The following HDAC9 variants were observed in gnomAD, a reference collection of about 807,000 sequenced individuals.
HDAC9 encodes the protein MEF-2 interacting transcription repressor (MITR) protein.
In HDAC9, 41 loss-of-function variants were observed where a neutral mutation model predicts 139.4. The observed-to-expected ratio is 0.29, with a 90% CI of 0.23 to 0.38. HDAC9 has a LOEUF of 0.38. HDAC9 is among the 10% of genes least tolerant of loss of function. The probability of loss-of-function intolerance (pLI) is 1.00; values close to 1 mark genes in which losing one functional copy is unlikely to be tolerated. For missense variants in HDAC9, 1,147 were observed against 1,297.0 expected (o/e 0.88, Z 1.78); for synonymous variants, 517 against 476.2 (o/e 1.09, Z -1.12).
intron 2 of HDAC9, among the ~76,000 whole-genome samples, chr7:18,256,151 A>T (rs1045473011): frequency 6.6e-6 from 1 of 152,128 alleles, no homozygotes; most frequent in Non-Finnish European, 1.5e-5. Flanking sequence ...TATGTTGCGT[A>T]TCTGAGATTA....
At chr7:18,343,960 T>G (rs958291625) in intron 1 of HDAC9, among the ~76,000 whole-genome samples, 6 of 151,876 alleles carry the variant, frequency 4.0e-5, no homozygotes, top group African/African-American at 1.4e-4. Flanking sequence ...TAAACCCTTA[T>G]TTTTCCAATA....
intron 7 of HDAC9, among the ~76,000 whole-genome samples, chr7:18,632,616 G>A (rs907752622): frequency 1.3e-5 from 2 of 152,096 alleles, no homozygotes; most frequent in African/African-American, 4.8e-5. Flanking sequence ...TTGACTGAGT[G>A]TAGAGTACAG....
At chr7:18,661,149 G>A (rs1168312837) in intron 11 of HDAC9, among the ~76,000 whole-genome samples, 3 of 151,980 alleles carry the variant, frequency 2.0e-5, no homozygotes, top group Non-Finnish European at 4.4e-5. Flanking sequence ...TTAAGATAAA[G>A]CCTTTATTTT....
intron 12 of HDAC9, 157 bp downstream of exon 12, chr7:18,666,633 A>G: frequency 6.9e-7 from 1 of 1,440,526 alleles, no homozygotes; most frequent in Non-Finnish European, 9.2e-7. Context: ...ATGCAGATAT[A>G]TGTATATATC....
chr7:18,914,787 A>G (rs1228918317), intron 22 of HDAC9, among the ~76,000 whole-genome samples: 2 of 137,582 alleles, frequency 1.5e-5, no homozygotes, highest in African/African-American at 5.1e-5. Flanking sequence ...GGAGAGAAAC[A>G]TATTTTTTGA....
chr7:18,422,201 A>G (rs1207218587), intron 1 of HDAC9, among the ~76,000 whole-genome samples: 2 of 152,180 alleles, frequency 1.3e-5, no homozygotes, highest in Non-Finnish European at 2.9e-5. Flanking sequence ...CTAGTGGCCA[A>G]TAAAATGGCA....
chr7:18,099,561 T>A (rs1214104067), intron 1 of HDAC9, among the ~76,000 whole-genome samples: 1 of 152,164 alleles, frequency 6.6e-6, no homozygotes, highest in Non-Finnish European at 1.5e-5. Context: ...CCTTTTGGAG[T>A]TACTTACTGC....
intron 1 of HDAC9, among the ~76,000 whole-genome samples, chr7:18,332,594 C>T (rs1040521640): frequency 2.0e-5 from 3 of 151,516 alleles, no homozygotes; most frequent in Non-Finnish European, 4.4e-5. Context: ...ATGTTTTGCA[C>T]CTGGCTCCTC....
chr7:18,474,269 T>C (rs1230044173), intron 1 of HDAC9, among the ~76,000 whole-genome samples: 1 of 152,242 alleles, frequency 6.6e-6, no homozygotes, highest in Non-Finnish European at 1.5e-5. Context: ...ACTATTCTTG[T>C]ACCTATACTG....
At chr7:18,365,057 A>C (rs897119911) in intron 1 of HDAC9, among the ~76,000 whole-genome samples, 4 of 152,128 alleles carry the variant, frequency 2.6e-5, no homozygotes, top group African/African-American at 9.7e-5. Flanking sequence ...TTTGAAAAAC[A>C]TTGACAGCTG....
chr7:18,716,716 C>T (rs1271792676), intron 12 of HDAC9, among the ~76,000 whole-genome samples: 1 of 152,154 alleles, frequency 6.6e-6, no homozygotes, highest in Non-Finnish European at 1.5e-5. Flanking sequence ...TGCAGCTTCA[C>T]ATAGGTCAAT....
rs370001979 is a variant in HDAC9, at chr7:18,451,740, A to G, written c.-41-44522A>G. On this transcript the variant is annotated intron_variant, in intron 1 of 3. Coordinates refer to the HDAC9 transcript ENST00000413509. ...GGGGAAACATTTGCTATTCAGCCCT[A>G]TCGGCATATTTGGTGAACTGTGTGA... Among the ~76,000 whole-genome samples the G allele has an allele frequency of 7.9e-5, 12 of 152,056 alleles. 1 individual carries two copies. The East Asian group carries it at 1.2e-3, about 15-fold the overall frequency.
intron 11 of HDAC9, among the ~76,000 whole-genome samples, chr7:18,657,907 TCTC>T (rs1324239416): frequency 6.6e-6 from 1 of 151,976 alleles, no homozygotes; most frequent in Admixed American, 6.6e-5. Flanking sequence ...GCCTTCATCA[TCTC>T]CTCCCTTCCC....
At position 18,634,683 on chromosome 7, in the gene HDAC9, C is replaced by T. The variant is rs367567016; in HGVS notation, c.853C>T (p.Pro285Ser). 1.9e-6 allele frequency: 3 copies of T among 1,598,620 alleles called. No individual in the cohort carries two copies. Among genetic ancestry groups the T allele is most frequent in the East Asian group, 4.5e-5 (2 of 44,288 alleles). The change falls in exon 8 of 26, where the codon CCA becomes TCA. Residue 285 changes from proline (P) to serine (S), a missense_variant. Pro to Ser is a moderately conservative substitution (Grantham distance 74, BLOSUM62 -1). Around this residue, in one of 7 missense-constraint regions of HDAC9, gnomAD observed 264 missense variants for 273.8 expected, o/e 0.96. Transcript: ENST00000686413. ...TGGTCCCAGTTCACCAAACAATGGGCCAACTGGAAGTGTTACTGAAAATGA... is the reference window on the plus strand; with the variant it reads ...TGGTCCCAGTTCACCAAACAATGGGTCAACTGGAAGTGTTACTGAAAATGA... ...GSGPSSPNNG[P>S]TGSVTENETS...
intron 2 of HDAC9, among the ~76,000 whole-genome samples, chr7:18,220,948 A>C (rs1584706298): frequency 6.6e-6 from 1 of 152,206 alleles, no homozygotes; most frequent in Non-Finnish European, 1.5e-5. Flanking sequence ...TTTTAAAAAG[A>C]AGAAATTAAA....
At chr7:18,807,922 A>C (rs565870587) in intron 17 of HDAC9, 126 of 152,322 alleles carry the variant, frequency 8.3e-4, no homozygotes, top group African/African-American at 2.8e-3. Flanking sequence ...AATGTTCTCC[A>C]TCTGTCTTTT....
At chr7:18,640,583 T>G (rs1473194533) in intron 8 of HDAC9, among the ~76,000 whole-genome samples, 2 of 151,864 alleles carry the variant, frequency 1.3e-5, no homozygotes, top group African/African-American at 4.8e-5. Flanking sequence ...TCATTTTCCT[T>G]GCTCCTGGAG....
intron 25 of HDAC9, 64 bp downstream of exon 25, chr7:18,976,017 T>C (rs780989578): frequency 2.9e-5 from 44 of 1,523,294 alleles, no homozygotes; most frequent in Non-Finnish European, 3.7e-5. Context: ...TTGATATTTG[T>C]GAATCTTCCT....
intron 14 of HDAC9, among the ~76,000 whole-genome samples, chr7:18,750,061 T>G (rs1446673803): frequency 1.3e-5 from 2 of 152,184 alleles, no homozygotes; most frequent in East Asian, 3.9e-4. Flanking sequence ...AGGTTTAAAC[T>G]GAGTCTGTAA....
Sources: gnomAD v4.1 joint callset for allele counts (sites outside exome capture counted in the v4.1 genomes callset) on GRCh38, gnomAD v4.1.1 for gene constraint, gnomAD v4.1.1 regional missense constraint, MANE v1.5 for transcripts, NCBI Gene and HGNC (gene_info 2026-07-23, HGNC 2026-07-21) for gene names.